ABL1: variants seen among roughly 807,000 people sequenced by gnomAD.
ABL1 encodes ABL proto-oncogene 1, non-receptor tyrosine kinase.
Under a neutral mutation model 94.7 loss-of-function variants are expected in ABL1, and 11 were observed. That is an observed-to-expected ratio of 0.12 (90% CI 0.07 to 0.19). ABL1 has a LOEUF of 0.19. Ranked by LOEUF, ABL1 falls within the 10% of genes least tolerant of loss-of-function variation. The pLI, the probability that ABL1 is intolerant of heterozygous loss-of-function variation, is 1.00. For missense variants in ABL1, 1,082 were observed against 1,489.4 expected, an observed-to-expected ratio of 0.73 and a Z score of 4.50; for synonymous variants, 656 against 622.4, an observed-to-expected ratio of 1.05 and a Z score of -0.80.
intron 1 of ABL1, among the ~76,000 whole-genome samples, chr9:130,727,704 C>T (rs1271749574): frequency 2.7e-5 from 4 of 149,070 alleles, no homozygotes; most frequent in South Asian, 2.1e-4. Context: ...TGCAGTGAGC[C>T]GAGATCGCGC....
At position 130,857,225 on chromosome 9, in the gene ABL1, G is replaced by A. The variant is rs144625978; in HGVS notation, c.549+2129G>A. Among the ~76,000 whole-genome samples the A allele has an allele frequency of 1.9e-4, 29 of 152,330 alleles. No individual in the cohort carries two copies. In the East Asian group the frequency reaches 4.2e-3, roughly 22 times the overall value. The stretch of plus-strand genomic sequence containing the variant: ...GTAAGTGTGTGCAGATAAGTTGCCA[G>A]AACTGACTGAAGGTTATGTGCATCA... On this transcript the variant is annotated intron_variant, in intron 3 of 10. Coordinates refer to ENST00000318560, the MANE Select transcript of ABL1 (RefSeq NM_005157.6).
Position 130,793,576 on chromosome 9 carries a change from G to A in ABL1, c.137-60488G>A, listed in dbSNP as rs75917101. 9.0e-4 allele frequency among the ~76,000 whole-genome samples: 137 copies of A among 152,254 alleles called. 1 individual carries two copies. Among genetic ancestry groups the A allele is most frequent in the African/African-American group, 2.8e-3 (116 of 41,552 alleles). On this transcript the variant is annotated intron_variant, in intron 1 of 10. Transcript: ENST00000372348. The stretch of plus-strand genomic sequence containing the variant: ...AACTAGAGTCTGTGCAAGCTGTGTC[G>A]TACATTTTGACTGCAATTTTAGTAC...
intron 1 of ABL1, among the ~76,000 whole-genome samples, chr9:130,783,846 G>A (rs552821782): frequency 7.9e-5 from 12 of 152,144 alleles, no homozygotes; most frequent in Admixed American, 3.9e-4. Flanking sequence ...AGTAGAGACG[G>A]GGTTTCACCA....
At chr9:130,860,845 G>A (rs1368962527) in intron 3 of ABL1, among the ~76,000 whole-genome samples, 1 of 152,196 alleles carries the variant, frequency 6.6e-6, no homozygotes. Flanking sequence ...CTTTTCCAGA[G>A]GGTCGGGGAT....
rs145103257 is a variant in ABL1 at position 130,769,066 on chromosome 9, A to G, written c.136+54611A>G. On this transcript the variant is annotated intron_variant, in intron 1 of 10. Transcript: ENST00000372348. ...GTATGGCCTGGGGACGTGAGGGGGAATTTTTCACTCTTTATTTCACATACA... is the reference window on the plus strand; with the variant it reads ...GTATGGCCTGGGGACGTGAGGGGGAGTTTTTCACTCTTTATTTCACATACA... Among the ~76,000 whole-genome samples the G allele has an allele frequency of 1.5e-3, 234 of 152,180 alleles. 1 individual carries two copies. Among genetic ancestry groups the G allele is most frequent in the African/African-American group, 5.0e-3 (209 of 41,540 alleles).
chr9:130,717,294 C>T (rs921805578), intron 1 of ABL1, among the ~76,000 whole-genome samples: 2 of 152,166 alleles, frequency 1.3e-5, no homozygotes, highest in East Asian at 1.9e-4. Flanking sequence ...CTGGCCACCT[C>T]AGCCTCCCAA....
chr9:130,718,788 G>C (rs1831478955), intron 1 of ABL1, among the ~76,000 whole-genome samples: 1 of 152,048 alleles, frequency 6.6e-6, no homozygotes, highest in African/African-American at 2.4e-5. Context: ...TGGCTGAGGT[G>C]GGAGGGTCAC....
chr9:130,777,027 T>C (rs953331002), intron 1 of ABL1, among the ~76,000 whole-genome samples: 1 of 152,248 alleles, frequency 6.6e-6, no homozygotes, highest in East Asian at 1.9e-4. Context: ...ACTTTTTAAC[T>C]ACCACAGCTC....
At chr9:130,723,674 C>A (rs972677650) in intron 1 of ABL1, among the ~76,000 whole-genome samples, 1 of 152,176 alleles carries the variant, frequency 6.6e-6, no homozygotes, top group Non-Finnish European at 1.5e-5. Flanking sequence ...TCTGTAACTT[C>A]TGCCCTTGTA....
chr9:130,752,827 C>T (rs550203353), intron 1 of ABL1, among the ~76,000 whole-genome samples: 2 of 152,040 alleles, frequency 1.3e-5, no homozygotes, highest in Non-Finnish European at 2.9e-5. Flanking sequence ...AACGTGGTGG[C>T]GAACACCTGT....
At chr9:130,714,216 C>G in exon 1 of ABL1, 1 of 1,162,146 alleles carries the variant, frequency 8.6e-7, no homozygotes, top group African/African-American at 1.6e-5. Context: ...TGTGGAGATG[C>G]AGCGAATGTG....
At chr9:130,853,239 G>C (rs965525731) in intron 1 of ABL1, among the ~76,000 whole-genome samples, 4 of 122,974 alleles carry the variant, frequency 3.3e-5, no homozygotes, top group African/African-American at 9.3e-5. Flanking sequence ...ACAGTGGCAC[G>C]ATCTTGGCTC....
intron 1 of ABL1, among the ~76,000 whole-genome samples, chr9:130,817,045 G>A (rs1329900240): frequency 6.6e-6 from 1 of 152,166 alleles, no homozygotes; most frequent in Non-Finnish European, 1.5e-5. Context: ...CCCAGCCCTG[G>A]CAACTGCTGC....
intron 1 of ABL1, among the ~76,000 whole-genome samples, chr9:130,839,077 ATTT>A (rs58433816): frequency 1.4e-5 from 2 of 143,972 alleles, no homozygotes; most frequent in Non-Finnish European, 3.1e-5. Context: ...ACTAATTAAA[ATTT>A]TTTTTTTTTT....
chr9:130,815,225 T>G (rs1213284824), intron 1 of ABL1, among the ~76,000 whole-genome samples: 1 of 151,894 alleles, frequency 6.6e-6, no homozygotes, highest in African/African-American at 2.4e-5. Context: ...TCCCAGCTAC[T>G]CAGGAGGCTG....
At chr9:130,842,303 T>C (rs1030073391) in intron 1 of ABL1, among the ~76,000 whole-genome samples, 1 of 152,240 alleles carries the variant, frequency 6.6e-6, no homozygotes, top group Admixed American at 6.5e-5. Flanking sequence ...AGGGATTCAG[T>C]GCAGATGAAG....
chr9:130,830,464 T>TG (rs1830481503), upstream of ABL1, among the ~76,000 whole-genome samples: 1 of 152,174 alleles, frequency 6.6e-6, no homozygotes, highest in Non-Finnish European at 1.5e-5. Flanking sequence ...GGATGAAAGG[T>TG]GGGGCTCTCT....
At chr9:130,780,160 A>G (rs1588236092) in intron 1 of ABL1, among the ~76,000 whole-genome samples, 1 of 152,082 alleles carries the variant, frequency 6.6e-6, no homozygotes, top group African/African-American at 2.4e-5. Flanking sequence ...AGTGGCAGGC[A>G]CCCGTAATCC....
chr9:130,805,573 T>TAGGAGGGGAAGGAAGAA (rs1830115288), intron 1 of ABL1, among the ~76,000 whole-genome samples: 2 of 151,964 alleles, frequency 1.3e-5, no homozygotes, highest in Admixed American at 1.3e-4. Context: ...AGAGAAAAAG[T>TAGGAGGGGAAGGAAGAA]AGGAGGGGAA....
Sources: allele counts gnomAD v4.1 joint callset (sites outside exome capture counted in the v4.1 genomes callset), GRCh38; gene constraint gnomAD v4.1.1; transcripts MANE v1.5; gene names NCBI Gene and HGNC (gene_info 2026-07-23, HGNC 2026-07-21).